The following ASAP1 variants were observed in gnomAD, a reference collection of about 807,000 sequenced individuals.
ASAP1 encodes the protein arf-GAP with SH3 domain, ANK repeat and PH domain-containing protein 1.
Under a neutral mutation model 145.2 loss-of-function variants are expected in ASAP1, and 43 were observed. The ratio of observed to expected loss-of-function variants is 0.30; its 90% CI spans 0.23 to 0.38. The LOEUF is 0.38. ASAP1 is among the 10% of genes least tolerant of loss of function. The probability of loss-of-function intolerance (pLI) is 1.00; values close to 1 mark genes in which losing one functional copy is unlikely to be tolerated. For missense variants in ASAP1, 1,018 were observed against 1,355.3 expected (o/e 0.75, Z 3.91); for synonymous variants, 546 against 515.5 (o/e 1.06, Z -0.80).
intron 5 of ASAP1, among the ~76,000 whole-genome samples, chr8:130,192,411 T>C (rs1250186123): frequency 2.0e-5 from 3 of 151,958 alleles, no homozygotes; most frequent in Non-Finnish European, 4.4e-5. Flanking sequence ...AAAAAAAAGG[T>C]TGAGCAACAC....
At chr8:130,397,744 C>A (rs193182401) in intron 2 of ASAP1, among the ~76,000 whole-genome samples, 5 of 152,354 alleles carry the variant, frequency 3.3e-5, no homozygotes, top group Non-Finnish European at 2.9e-5. Context: ...TTGAGAAGCA[C>A]ATCTGTGTTA....
At chr8:130,211,178 A>G (rs779334664) in intron 5 of ASAP1, among the ~76,000 whole-genome samples, 1 of 152,196 alleles carries the variant, frequency 6.6e-6, no homozygotes, top group African/African-American at 2.4e-5. Context: ...AATTTTCTAT[A>G]ATGTGGAGGA....
chr8:130,102,970 C>T (rs983269072), intron 24 of ASAP1, among the ~76,000 whole-genome samples: 2 of 143,938 alleles, frequency 1.4e-5, no homozygotes, highest in African/African-American at 5.2e-5. Flanking sequence ...GGATTACAGG[C>T]ACGAGCCACC....
At chr8:130,188,213 G>T in intron 5 of ASAP1, 30 bp from the exon 6 acceptor site, 1 of 1,560,812 alleles carries the variant, frequency 6.4e-7, no homozygotes, top group Non-Finnish European at 8.8e-7. Flanking sequence ...ATGGGAGATG[G>T]TTAAAAAATA....
chr8:130,054,722 T>G lies in ASAP1; in HGVS notation c.*9A>C. 1 of 1,611,918 alleles carries G rather than the reference T, an allele frequency of 6.2e-7. No homozygotes were observed. The highest frequency in any genetic ancestry group is 8.5e-7 in the Non-Finnish European group (1 of 1,178,112). On this transcript the variant is annotated 3_prime_UTR_variant, in exon 30 of 30. Coordinates refer to ENST00000518721, the MANE Select transcript of ASAP1 (RefSeq NM_018482.4). ...AAGGATGTGGACAATCTTAAGGTTC[T>G]GCGTTTTGCTAGTCAGACAGGATAT... is the stretch of plus-strand genomic sequence containing the variant.
At chr8:130,147,793 A>G (rs1418669781) in intron 13 of ASAP1, among the ~76,000 whole-genome samples, 1 of 152,186 alleles carries the variant, frequency 6.6e-6, no homozygotes, top group African/African-American at 2.4e-5. Flanking sequence ...CACATTATCT[A>G]CCTAAGAGGT....
chr8:130,437,169 A>G (rs903710175), intron 1 of ASAP1, among the ~76,000 whole-genome samples: 9 of 152,218 alleles, frequency 5.9e-5, no homozygotes, highest in Admixed American at 2.6e-4. Flanking sequence ...ATGTGGTAAC[A>G]CAGCTAAGCA....
chr8:130,110,547 T>C (rs576831350), intron 24 of ASAP1, among the ~76,000 whole-genome samples: 4 of 152,322 alleles, frequency 2.6e-5, no homozygotes, highest in South Asian at 4.1e-4. Flanking sequence ...CAGCTTGATA[T>C]GTGAGTGATT....
At chr8:130,259,676 C>A (rs895469300) in intron 3 of ASAP1, among the ~76,000 whole-genome samples, 3 of 152,172 alleles carry the variant, frequency 2.0e-5, no homozygotes, top group African/African-American at 7.2e-5. Context: ...TAGCTATGCC[C>A]CACTGCCTCA....
At position 130,156,526 on chromosome 8, in the gene ASAP1, G is replaced by C. The variant is rs76597775; in HGVS notation, c.1010+3338C>G. On this transcript the variant is annotated intron_variant, in intron 12 of 29. Transcript: ENST00000518721. ...TCATACACTAGAGTATTTCATCTAT[G>C]TGTGTGGAATGAGTACATGAAGGAA... 8.1e-3 allele frequency among the ~76,000 whole-genome samples: 1,239 copies of C among 152,286 alleles called. 11 individuals carry two copies. The highest frequency in any genetic ancestry group is 0.012 in the Non-Finnish European group (796 of 68,024).
intron 3 of ASAP1, among the ~76,000 whole-genome samples, chr8:130,239,759 C>T (rs927004227): frequency 5.1e-4 from 77 of 152,060 alleles, no homozygotes; most frequent in African/African-American, 1.8e-3. Flanking sequence ...TAAAAATAGT[C>T]ATTAATTTTT....
chr8:130,323,794 A>C (rs553375601), intron 3 of ASAP1, among the ~76,000 whole-genome samples: 1 of 152,314 alleles, frequency 6.6e-6, no homozygotes, highest in Non-Finnish European at 1.5e-5. Context: ...ATAAACAATA[A>C]GCATCTCCCC....
intron 3 of ASAP1, among the ~76,000 whole-genome samples, chr8:130,334,322 C>T (rs117416177): frequency 1.8e-3 from 272 of 152,300 alleles, no homozygotes; most frequent in Middle Eastern, 0.014. Flanking sequence ...AAGAAAAGCA[C>T]ATGATGAAAT....
At position 130,054,717 on chromosome 8, in the gene ASAP1, G is replaced by T; in HGVS notation, c.*14C>A. On this transcript the variant is annotated 3_prime_UTR_variant, in exon 30 of 30. Transcript: ENST00000518721. ...GCATGAAGGATGTGGACAATCTTAAGGTTCTGCGTTTTGCTAGTCAGACAG... is the reference window on the plus strand; with the variant it reads ...GCATGAAGGATGTGGACAATCTTAATGTTCTGCGTTTTGCTAGTCAGACAG... 6.2e-7 allele frequency: 1 copy of T among 1,609,758 alleles called. No homozygotes were observed. Among genetic ancestry groups the T allele is most frequent in the South Asian group, 1.1e-5 (1 of 90,982 alleles).
intron 18 of ASAP1, among the ~76,000 whole-genome samples, chr8:130,121,991 C>G (rs1172739732): frequency 1.3e-5 from 2 of 152,064 alleles, no homozygotes; most frequent in Non-Finnish European, 2.9e-5. Flanking sequence ...GCCACATCTT[C>G]CTTCATGACA....
chr8:130,355,786 A>G lies in ASAP1; in HGVS notation c.186+2231T>C, dbSNP rs1286967967. On this transcript the variant is annotated intron_variant, in intron 3 of 29. Coordinates refer to ENST00000518721, the MANE Select transcript of ASAP1 (RefSeq NM_018482.4). ...ATCCTTCAGTAAAAAAACCTAAAGC[A>G]TACTTTTCACATCTATGCAAAAAGT... 2.0e-5 allele frequency among the ~76,000 whole-genome samples: 3 copies of G among 152,364 alleles called. No homozygotes were observed. In the East Asian group the frequency reaches 5.8e-4, roughly 29 times the overall value.
chr8:130,250,905 T>G (rs940051267), intron 3 of ASAP1, among the ~76,000 whole-genome samples: 1 of 152,166 alleles, frequency 6.6e-6, no homozygotes, highest in Admixed American at 6.5e-5. Flanking sequence ...AAATACTACA[T>G]TCTAACGATA....
intron 3 of ASAP1, among the ~76,000 whole-genome samples, chr8:130,304,458 A>G (rs1344129304): frequency 6.6e-6 from 1 of 152,176 alleles, no homozygotes; most frequent in African/African-American, 2.4e-5. Flanking sequence ...AAAGATAAAA[A>G]CAGTTTTAAC....
intron 19 of ASAP1, 71 bp from the exon 20 acceptor site, chr8:130,118,317 T>C (rs1181493039): frequency 2.8e-5 from 42 of 1,480,300 alleles, no homozygotes; most frequent in East Asian, 2.5e-4. Flanking sequence ...TATATATCAG[T>C]TGCCCCCAAG....
Sources: allele counts gnomAD v4.1 joint callset (sites outside exome capture counted in the v4.1 genomes callset), GRCh38; gene constraint gnomAD v4.1.1; transcripts MANE v1.5; gene names NCBI Gene and HGNC (gene_info 2026-07-23, HGNC 2026-07-21).